Variants in DHRSX observed in about 807,000 individuals in gnomAD.
The protein encoded by DHRSX is polyprenol dehydrogenase.
In DHRSX, 31 loss-of-function variants were observed where a neutral mutation model predicts 34.0. That is an observed-to-expected ratio of 0.91 (90% CI 0.69 to 1.23). The LOEUF is 1.23. Ranked by LOEUF, DHRSX falls within the 50% of genes most tolerant of loss-of-function variation. The pLI is 0.00. For missense variants in DHRSX, 414 were observed against 428.1 expected, an observed-to-expected ratio of 0.97 and a Z score of 0.29; for synonymous variants, 201 against 183.8, an observed-to-expected ratio of 1.09 and a Z score of -0.76.
At chrX:2,358,500 A>G (rs1464094852) in intron 3 of DHRSX, among the ~76,000 whole-genome samples, 1 of 152,110 alleles carries the variant, frequency 6.6e-6, no homozygotes, top group Non-Finnish European at 1.5e-5. Context: ...GATCAAGACC[A>G]TCCTGGCTAA....
chrX:2,378,018 A>G (rs7391685), intron 3 of DHRSX, among the ~76,000 whole-genome samples: 135,855 of 152,272 alleles, frequency 0.89, 60,868 homozygotes, highest in African/African-American at 0.97. Flanking sequence ...GATAACAGGC[A>G]TGAGCCACTG....
intron 3 of DHRSX, among the ~76,000 whole-genome samples, chrX:2,319,035 C>A (rs1187673150): frequency 6.6e-6 from 1 of 152,026 alleles, no homozygotes; most frequent in Non-Finnish European, 1.5e-5. Flanking sequence ...CAGCCCCTTG[C>A]CTATTTTTGT....
intron 6 of DHRSX, among the ~76,000 whole-genome samples, chrX:2,230,569 G>A (rs1321051065): frequency 6.6e-6 from 1 of 152,232 alleles, no homozygotes; most frequent in Non-Finnish European, 1.5e-5. Flanking sequence ...AGACTGGGTA[G>A]TTTGTGGATA....
intron 2 of DHRSX, among the ~76,000 whole-genome samples, chrX:2,414,039 T>A (rs1440285885): frequency 3.9e-5 from 6 of 151,942 alleles, no homozygotes; most frequent in Admixed American, 6.6e-5. Flanking sequence ...CTAGACCTCA[T>A]CATGACCTAA....
At chrX:2,224,586 A>AT (rs896783775) in intron 6 of DHRSX, among the ~76,000 whole-genome samples, 4 of 151,872 alleles carry the variant, frequency 2.6e-5, no homozygotes, top group African/African-American at 7.3e-5. Context: ...CTATTGGATG[A>AT]TTTTTTTTCT....
intron 1 of DHRSX, among the ~76,000 whole-genome samples, chrX:2,435,898 T>C (rs1174738839): frequency 1.3e-5 from 2 of 152,208 alleles, no homozygotes; most frequent in African/African-American, 4.8e-5. Flanking sequence ...TGAAAATATC[T>C]ATATGTTTCA....
At chrX:2,429,800 C>G (rs952128884) in intron 1 of DHRSX, among the ~76,000 whole-genome samples, 1 of 151,914 alleles carries the variant, frequency 6.6e-6, no homozygotes, top group South Asian at 2.1e-4. Flanking sequence ...ATAATTACAA[C>G]AGACACAAGA....
At chrX:2,318,254 T>C (rs1178279215) in intron 3 of DHRSX, among the ~76,000 whole-genome samples, 1 of 146,766 alleles carries the variant, frequency 6.8e-6, no homozygotes, top group Non-Finnish European at 1.5e-5. Flanking sequence ...TAGTCCCAGC[T>C]ACTTGGGAGG....
intron 2 of DHRSX, 77 bp from the exon 3 acceptor site, chrX:2,408,890 G>T: frequency 8.5e-7 from 1 of 1,177,320 alleles, no homozygotes; most frequent in South Asian, 1.4e-5. Context: ...AAAAAAAAGA[G>T]GTTTTAAGAG....
chrX:2,457,739 A>G (rs746614059), intron 1 of DHRSX, among the ~76,000 whole-genome samples: 1 of 151,742 alleles, frequency 6.6e-6, no homozygotes, highest in East Asian at 2.0e-4. Context: ...TGGCCAAGGG[A>G]CTGCCACCAT....
At chrX:2,377,647 C>T (rs888922865) in intron 3 of DHRSX, among the ~76,000 whole-genome samples, 6 of 152,070 alleles carry the variant, frequency 3.9e-5, no homozygotes, top group East Asian at 1.9e-4. Context: ...GAAGAGATAG[C>T]GGAGGATCCT....
Position 2,294,066 on chromosome X carries a change from G to GAC in DHRSX, c.287-2464_287-2463insGT, listed in dbSNP as rs1179255700. Among the ~76,000 whole-genome samples the GAC allele has an allele frequency of 4.0e-5, 6 of 151,616 alleles. No homozygotes were observed. The East Asian group carries it at 1.2e-3, about 29-fold the overall frequency. ...AGATAGAAAGATAGAAGCAGAGAGA[G>GAC]AGAGAAAGAGAGAAAGAAAGAAAGG... On this transcript the variant is annotated intron_variant, in intron 3 of 6. Coordinates refer to ENST00000334651, the MANE Select transcript of DHRSX (RefSeq NM_145177.3).
intron 3 of DHRSX, among the ~76,000 whole-genome samples, chrX:2,348,442 G>A (rs1361943505): frequency 1.3e-5 from 2 of 152,092 alleles, no homozygotes; most frequent in Non-Finnish European, 2.9e-5. Context: ...TGAGGCGTGC[G>A]CTCCTATTGT....
intron 3 of DHRSX, among the ~76,000 whole-genome samples, chrX:2,362,152 T>C (rs1056662107): frequency 4.5e-4 from 69 of 152,312 alleles, no homozygotes; most frequent in African/African-American, 1.3e-3. Context: ...CTGGTGTCAC[T>C]GTTATTTCAT....
Position 2,500,936 on chromosome X carries a change from G to A in DHRSX, c.-11C>T. 1 of 1,052,002 alleles carries A rather than the reference G, an allele frequency of 9.5e-7. No individual in the cohort carries two copies. Among genetic ancestry groups the A allele is most frequent in the Non-Finnish European group, 1.1e-6 (1 of 874,226 alleles). The allele number at this position is 1,052,002 out of a possible 1,614,324, so 65.2% of individuals were successfully genotyped here. A position where few individuals can be genotyped will look rare whatever the true frequency, so the allele number is the denominator to read the frequency against. ...AGACAATGGCGACATGGCTGCCCCG[G>A]CCGCGCCGCCGCCGCTTCCGCGCCG... is the stretch of plus-strand genomic sequence containing the variant. On this transcript the variant is annotated 5_prime_UTR_variant, in exon 1 of 7. Transcript: ENST00000334651.
intron 1 of DHRSX, among the ~76,000 whole-genome samples, chrX:2,452,836 G>T (rs1197418912): frequency 6.6e-6 from 1 of 152,214 alleles, no homozygotes; most frequent in Non-Finnish European, 1.5e-5. Flanking sequence ...GTCCAGTCAT[G>T]GGCCTGCGAA....
intron 1 of DHRSX, among the ~76,000 whole-genome samples, chrX:2,483,634 T>C (rs1403195003): frequency 1.2e-4 from 19 of 152,020 alleles, no homozygotes; most frequent in Admixed American, 3.3e-4. Context: ...TTTGTGATAA[T>C]ATTAACACAG....
chrX:2,467,282 A>G (rs1190207093), intron 1 of DHRSX, among the ~76,000 whole-genome samples: 1 of 152,106 alleles, frequency 6.6e-6, no homozygotes, highest in Non-Finnish European at 1.5e-5. Flanking sequence ...CCCGAGACCT[A>G]ATAAGACATC....
intron 3 of DHRSX, among the ~76,000 whole-genome samples, chrX:2,393,545 C>CACCGTCT (rs1569496717): frequency 1.3e-5 from 2 of 150,576 alleles, no homozygotes. Flanking sequence ...ACAGGGACCT[C>CACCGTCT]CCTGTCTCCG....
Sources: allele counts gnomAD v4.1 joint callset (sites outside exome capture counted in the v4.1 genomes callset), GRCh38; gene constraint gnomAD v4.1.1; transcripts MANE v1.5; gene names NCBI Gene and HGNC (gene_info 2026-07-23, HGNC 2026-07-21).